Variants in DDAH1 observed in about 807,000 individuals in gnomAD.
DDAH1 encodes dimethylarginine dimethylaminohydrolase 1.
A neutral mutation model predicts 28.8 loss-of-function variants in DDAH1; 19 were observed. The ratio of observed to expected loss-of-function variants is 0.66; its 90% confidence interval spans 0.46 to 0.97. DDAH1 has a LOEUF of 0.97. Among genes scored for constraint, DDAH1 ranks in the 50% least tolerant of loss-of-function variants. DDAH1 has a pLI of 0.00. For missense variants in DDAH1, 326 were observed against 375.9 expected, an observed-to-expected ratio of 0.87 and a Z score of 1.10; for synonymous variants, 153 against 154.4, an observed-to-expected ratio of 0.99 and a Z score of 0.07.
chr1:85,428,626 G>A (rs1653525729), intron 1 of DDAH1, among the ~76,000 whole-genome samples: 1 of 152,106 alleles, frequency 6.6e-6, no homozygotes, highest in African/African-American at 2.4e-5. Flanking sequence ...TCAGAGAACT[G>A]ATATCTGAGA....
At chr1:85,387,986 T>C (rs550600726) in intron 1 of DDAH1, among the ~76,000 whole-genome samples, 1 of 152,178 alleles carries the variant, frequency 6.6e-6, no homozygotes, top group East Asian at 1.9e-4. Context: ...CAAGTTCTTT[T>C]TAACAATCAG....
chr1:85,485,496 C>A (rs998326558), intron 2 of DDAH1, among the ~76,000 whole-genome samples: 1 of 152,142 alleles, frequency 6.6e-6, no homozygotes, highest in African/African-American at 2.4e-5. Flanking sequence ...TATTCCAGGA[C>A]TCCTATCATT....
At chr1:85,402,677 G>A (rs1379267021) in intron 1 of DDAH1, among the ~76,000 whole-genome samples, 1 of 152,074 alleles carries the variant, frequency 6.6e-6, no homozygotes, top group Non-Finnish European at 1.5e-5. Flanking sequence ...TTGGGAGGCC[G>A]AGGCGGTGGA....
intron 1 of DDAH1, among the ~76,000 whole-genome samples, chr1:85,420,810 C>T (rs1313439836): frequency 6.6e-6 from 1 of 152,150 alleles, no homozygotes; most frequent in African/African-American, 2.4e-5. Flanking sequence ...AGCAATGTCC[C>T]ACTCCTCAGT....
intron 1 of DDAH1, among the ~76,000 whole-genome samples, chr1:85,516,802 C>T (rs1276975699): frequency 2.0e-5 from 3 of 151,796 alleles, no homozygotes; most frequent in African/African-American, 7.3e-5. Flanking sequence ...GCTAGGGCTC[C>T]ATCTCCTGAC....
intron 1 of DDAH1, among the ~76,000 whole-genome samples, chr1:85,554,276 G>GTGTTTTT (rs1658893967): frequency 9.0e-6 from 1 of 110,726 alleles, no homozygotes; most frequent in African/African-American, 3.6e-5. Flanking sequence ...AATTGTAAGA[G>GTGTTTTT]TTTTTTTTTT....
intron 1 of DDAH1, among the ~76,000 whole-genome samples, chr1:85,416,893 C>CAG (rs1570512773): frequency 6.6e-6 from 1 of 151,958 alleles, no homozygotes; most frequent in East Asian, 1.9e-4. Context: ...GTCTCGAACT[C>CAG]CCAGGCTCAA....
intron 1 of DDAH1, among the ~76,000 whole-genome samples, chr1:85,418,726 TCTC>T (rs1652994773): frequency 2.0e-5 from 3 of 152,220 alleles, no homozygotes; most frequent in Admixed American, 2.0e-4. Flanking sequence ...TGCTGTCACT[TCTC>T]CTTTTAACAC....
At chr1:85,468,202 C>A (rs1013455516), upstream of DDAH1, among the ~76,000 whole-genome samples, 1 of 152,198 alleles carries the variant, frequency 6.6e-6, no homozygotes, top group Non-Finnish European at 1.5e-5. Context: ...CTTGTTCACT[C>A]AAAGTCTAGC....
chr1:85,505,383 G>T (rs1331658230), intron 1 of DDAH1, among the ~76,000 whole-genome samples: 3 of 152,106 alleles, frequency 2.0e-5, no homozygotes, highest in Admixed American at 6.5e-5. Context: ...AACAATCAAG[G>T]CAGGTGATAG....
chr1:85,370,499 T>C (rs888475621), intron 1 of DDAH1, among the ~76,000 whole-genome samples: 1 of 152,172 alleles, frequency 6.6e-6, no homozygotes, highest in African/African-American at 2.4e-5. Flanking sequence ...AAGGGAGTGA[T>C]ATAATTTAAT....
chr1:85,325,494 C>A (rs968826296), intron 4 of DDAH1, among the ~76,000 whole-genome samples: 1 of 152,036 alleles, frequency 6.6e-6, no homozygotes, highest in Non-Finnish European at 1.5e-5. Flanking sequence ...TATTCCCAGG[C>A]CTCACCCTTA....
chr1:85,519,800 T>C (rs1657609535), intron 1 of DDAH1, among the ~76,000 whole-genome samples: 3 of 152,194 alleles, frequency 2.0e-5, no homozygotes, highest in African/African-American at 7.2e-5. Flanking sequence ...AATTAATATA[T>C]TGATCACAGA....
intron 1 of DDAH1, among the ~76,000 whole-genome samples, chr1:85,498,577 C>G (rs916079532): frequency 3.9e-5 from 6 of 151,994 alleles, no homozygotes; most frequent in Non-Finnish European, 7.4e-5. Context: ...CAAAATAAAA[C>G]AACAACATAT....
chr1:85,507,527 T>TAAATAAATAAATAAAAAC (rs71075841), intron 1 of DDAH1, among the ~76,000 whole-genome samples: 1 of 149,254 alleles, frequency 6.7e-6, no homozygotes, highest in Non-Finnish European at 1.5e-5. Flanking sequence ...AATAAATAAA[T>TAAATAAATAAATAAAAAC]AAACAAACAA....
chr1:85,418,937 C>T (rs967960126), intron 1 of DDAH1, among the ~76,000 whole-genome samples: 3 of 152,146 alleles, frequency 2.0e-5, no homozygotes, highest in Non-Finnish European at 4.4e-5. Flanking sequence ...CTGCTCATAT[C>T]GTAGTTGGGT....
At chr1:85,369,129 T>C (rs1174762814) in intron 1 of DDAH1, among the ~76,000 whole-genome samples, 1 of 146,812 alleles carries the variant, frequency 6.8e-6, no homozygotes, top group Non-Finnish European at 1.5e-5. Flanking sequence ...GGTGCCATCA[T>C]GGCTCACTGC....
At chr1:85,534,210 A>G (rs1317051840) in intron 1 of DDAH1, among the ~76,000 whole-genome samples, 6 of 152,340 alleles carry the variant, frequency 3.9e-5, no homozygotes, top group Non-Finnish European at 7.4e-5. Flanking sequence ...TAGCCTTTCC[A>G]TGTCTCATGT....
intron 1 of DDAH1, among the ~76,000 whole-genome samples, chr1:85,381,365 G>T (rs1650980195): frequency 6.9e-6 from 1 of 145,874 alleles, no homozygotes; most frequent in Non-Finnish European, 1.5e-5. Context: ...TATTTCAATA[G>T]TTTTGGGGGA....
Sources: allele counts gnomAD v4.1 joint callset (sites outside exome capture counted in the v4.1 genomes callset), GRCh38; gene constraint gnomAD v4.1.1; transcripts MANE v1.5; gene names NCBI Gene and HGNC (gene_info 2026-07-23, HGNC 2026-07-21).